TNR: variants seen among roughly 807,000 people sequenced by gnomAD.
The protein encoded by TNR is tenascin-R.
A neutral mutation model predicts 150.4 loss-of-function variants in TNR; 45 were observed. The ratio of observed to expected loss-of-function variants is 0.30; its 90% CI spans 0.24 to 0.38. The LOEUF is 0.38. Ranked by LOEUF, TNR falls within the 10% of genes least tolerant of loss-of-function variation. The pLI is 1.00. For synonymous variants in TNR, 687 were observed against 678.4 expected, an observed-to-expected ratio of 1.01 and a Z score of -0.20; for missense variants, 1,544 against 1,759.1, an observed-to-expected ratio of 0.88 and a Z score of 2.19.
intron 2 of TNR, among the ~76,000 whole-genome samples, chr1:175,513,596 A>G (rs1344695765): frequency 6.6e-6 from 1 of 152,190 alleles, no homozygotes; most frequent in Non-Finnish European, 1.5e-5. Flanking sequence ...AGGTGCAGGC[A>G]AAAGTAACAT....
chr1:175,426,457 C>T (rs931068450), intron 2 of TNR, among the ~76,000 whole-genome samples: 8 of 152,066 alleles, frequency 5.3e-5, no homozygotes, highest in African/African-American at 1.9e-4. Context: ...GTGCAACTGC[C>T]CTTCTCTCCT....
chr1:175,733,354 G>C (rs934200939), intron 1 of TNR, among the ~76,000 whole-genome samples: 1 of 152,106 alleles, frequency 6.6e-6, no homozygotes, highest in Non-Finnish European at 1.5e-5. Flanking sequence ...GAGAGAGACA[G>C]GTCTCTGCAC....
chr1:175,496,926 C>G (rs1658513277), intron 2 of TNR, among the ~76,000 whole-genome samples: 1 of 152,192 alleles, frequency 6.6e-6, no homozygotes, highest in South Asian at 2.1e-4. Context: ...AATCACTGTC[C>G]TCATTTATCT....
At position 175,406,066 on chromosome 1, in the gene TNR, T is replaced by G. The variant is rs150749552; in HGVS notation, c.499+150A>C. On this transcript the variant is annotated intron_variant, in intron 3 of 22. Transcript: ENST00000367674. Reference sequence around the variant, plus strand: ...AACCGGCAGCTACAGACTAGGACACTTTTTTCCTTTGACCGTGTGAAGAGA... The same window carrying G: ...AACCGGCAGCTACAGACTAGGACACGTTTTTCCTTTGACCGTGTGAAGAGA... 640 of 1,059,312 alleles carry G rather than the reference T, an allele frequency of 6.0e-4. 1 individual carries two copies. In the East Asian group the frequency reaches 9.3e-3, roughly 15 times the overall value. 65.6% of individuals were successfully genotyped at this position (1,059,312 alleles called of 1,614,324 possible).
intron 2 of TNR, among the ~76,000 whole-genome samples, chr1:175,515,101 C>T (rs2102163195): frequency 6.6e-6 from 1 of 152,344 alleles, no homozygotes; most frequent in South Asian, 2.1e-4. Context: ...CTGCCCAGAG[C>T]TGGAGAATGG....
chr1:175,665,600 T>C (rs934128817), intron 1 of TNR, among the ~76,000 whole-genome samples: 1 of 152,210 alleles, frequency 6.6e-6, no homozygotes, highest in Non-Finnish European at 1.5e-5. Flanking sequence ...GCACATTTGT[T>C]CTGGGGAGCA....
chr1:175,556,290 C>T (rs772514104), intron 1 of TNR, among the ~76,000 whole-genome samples: 1 of 152,226 alleles, frequency 6.6e-6, no homozygotes, highest in Non-Finnish European at 1.5e-5. Flanking sequence ...AGTTAGTAGG[C>T]AGTTTTAGCC....
At chr1:175,725,563 C>T (rs1397871192) in intron 1 of TNR, among the ~76,000 whole-genome samples, 3 of 152,106 alleles carry the variant, frequency 2.0e-5, no homozygotes, top group Admixed American at 6.5e-5. Context: ...GTTTCTTCAT[C>T]AATAACAGTC....
intron 9 of TNR, among the ~76,000 whole-genome samples, chr1:175,372,884 T>C (rs924712397): frequency 6.6e-6 from 1 of 152,192 alleles, no homozygotes; most frequent in Non-Finnish European, 1.5e-5. Context: ...CCTAGTGCAC[T>C]GGGTGCCTAC....
At chr1:175,669,668 G>A (rs1469262494) in intron 1 of TNR, among the ~76,000 whole-genome samples, 1 of 152,142 alleles carries the variant, frequency 6.6e-6, no homozygotes, top group Non-Finnish European at 1.5e-5. Context: ...GTTTCCAGAG[G>A]GTGCAGTCTG....
intron 1 of TNR, among the ~76,000 whole-genome samples, chr1:175,611,896 G>A (rs867890773): frequency 2.0e-5 from 3 of 152,192 alleles, no homozygotes; most frequent in African/African-American, 7.2e-5. Context: ...ATAAAGTGCT[G>A]TAGACCGAAT....
At chr1:175,359,868 T>C in intron 14 of TNR, 137 bp from the exon 15 acceptor site, 2 of 1,118,116 alleles carry the variant, frequency 1.8e-6, no homozygotes, top group Middle Eastern at 6.1e-4. Flanking sequence ...AGAAACCTCT[T>C]CCCTTTCTCC....
At chr1:175,396,332 A>C (rs1653422716) in intron 5 of TNR, among the ~76,000 whole-genome samples, 1 of 152,218 alleles carries the variant, frequency 6.6e-6, no homozygotes, top group Admixed American at 6.5e-5. Flanking sequence ...TAATTTATGA[A>C]AGCTGCCTGA....
chr1:175,570,427 G>T (rs1661818202), intron 1 of TNR, among the ~76,000 whole-genome samples: 1 of 152,164 alleles, frequency 6.6e-6, no homozygotes. Flanking sequence ...TGGAGAGGGT[G>T]TGTGGGGGGT....
chr1:175,423,345 G>C (rs1654837246), intron 2 of TNR, among the ~76,000 whole-genome samples: 1 of 152,034 alleles, frequency 6.6e-6, no homozygotes, highest in African/African-American at 2.4e-5. Context: ...GTCATCACTG[G>C]GTGCTAAATT....
chr1:175,711,597 G>A (rs1667017775), intron 1 of TNR, among the ~76,000 whole-genome samples: 1 of 152,208 alleles, frequency 6.6e-6, no homozygotes. Context: ...AAGGGTGAGG[G>A]CAGGAGCGAG....
rs374330967 is a variant in TNR at position 175,704,294 on chromosome 1, C to T, written c.-165+38932G>A. On this transcript the variant is annotated intron_variant, in intron 1 of 22. Coordinates refer to ENST00000367674, the MANE Select transcript of TNR (RefSeq NM_003285.3). ...ACCATAACATGTGACAAGAGGAAGACTTTAGTCAAAGGTTTAGTCTGTGCC... is the reference window on the plus strand; with the variant it reads ...ACCATAACATGTGACAAGAGGAAGATTTTAGTCAAAGGTTTAGTCTGTGCC... Among the ~76,000 whole-genome samples the T allele has an allele frequency of 5.9e-5, 9 of 152,272 alleles. No individual in the cohort carries two copies. The South Asian group carries it at 8.3e-4, about 14-fold the overall frequency.
intron 1 of TNR, among the ~76,000 whole-genome samples, chr1:175,596,184 A>T (rs1662998830): frequency 1.3e-5 from 2 of 152,234 alleles, no homozygotes; most frequent in African/African-American, 4.8e-5. Context: ...TTTGTGAATA[A>T]CATTTCACAT....
intron 2 of TNR, among the ~76,000 whole-genome samples, chr1:175,435,656 G>C (rs1655473442): frequency 6.6e-6 from 1 of 152,198 alleles, no homozygotes; most frequent in South Asian, 2.1e-4. Flanking sequence ...TGATCCCTGT[G>C]ACACATCAGC....
Sources: gnomAD v4.1 joint callset for allele counts (sites outside exome capture counted in the v4.1 genomes callset) on GRCh38, gnomAD v4.1.1 for gene constraint, MANE v1.5 for transcripts, NCBI Gene and HGNC (gene_info 2026-07-23, HGNC 2026-07-21) for gene names.